Variants in WWOX observed in about 807,000 individuals in gnomAD.
WWOX encodes the protein WW domain-containing oxidoreductase.
Under a neutral mutation model 46.2 loss-of-function variants are expected in WWOX, and 69 were observed. That is an observed-to-expected ratio of 1.49 (90% CI 1.23 to 1.82). WWOX has a LOEUF of 1.82. Among genes scored for constraint, WWOX ranks in the 40% most tolerant of loss-of-function variants. The probability of loss-of-function intolerance (pLI) is 0.00; values close to 1 mark genes in which losing one functional copy is unlikely to be tolerated. For synonymous variants in WWOX, 359 were observed against 202.6 expected (o/e 1.77, Z -6.56); for missense variants, 919 against 542.6 (o/e 1.69, Z -6.89).
intron 5 of WWOX, among the ~76,000 whole-genome samples, chr16:78,312,003 A>G (rs544397618): frequency 2.4e-4 from 37 of 152,208 alleles, no homozygotes; most frequent in African/African-American, 7.9e-4. Context: ...GAGACTGCCC[A>G]TGTTCCTCGA....
At chr16:78,796,419 A>T (rs907884107) in intron 8 of WWOX, among the ~76,000 whole-genome samples, 6 of 152,200 alleles carry the variant, frequency 3.9e-5, no homozygotes, top group African/African-American at 1.4e-4. Context: ...GGTCACTTCC[A>T]CCTGCTTCCC....
intron 4 of WWOX, among the ~76,000 whole-genome samples, chr16:78,151,157 A>G (rs559496591): frequency 2.0e-5 from 3 of 151,854 alleles, no homozygotes; most frequent in Non-Finnish European, 4.4e-5. Context: ...GATTACAGGC[A>G]TGAGACCCCA....
rs569753782 is a variant in WWOX, at chr16:78,568,295, C to G, written c.1056+135543C>G. On this transcript the variant is annotated intron_variant, in intron 8 of 8. Transcript: ENST00000566780. ...AGATGAGGGAGGAAAATGGTTCCTA[C>G]TTATCATTACTTTGTCCCTCCAAAA... Among the ~76,000 whole-genome samples, 87 of 152,058 alleles carry G rather than the reference C, an allele frequency of 5.7e-4. 1 individual carries two copies. Among genetic ancestry groups the G allele is most frequent in the African/African-American group, 1.9e-3 (80 of 41,484 alleles).
chr16:78,347,327 A>G (rs72794047), intron 5 of WWOX, among the ~76,000 whole-genome samples: 12,825 of 116,212 alleles, frequency 0.11, 3,733 homozygotes, highest in East Asian at 0.17. Flanking sequence ...GATTTCAGTC[A>G]TCAAATCCAT....
chr16:79,211,344 TTTA>T (rs1253525451), intron 8 of WWOX, among the ~76,000 whole-genome samples: 69 of 152,190 alleles, frequency 4.5e-4, no homozygotes, highest in Admixed American at 4.5e-3. Context: ...GATATGTGTA[TTTA>T]TTTTCCAAGC....
chr16:78,623,046 C>A (rs2046227526), intron 8 of WWOX, among the ~76,000 whole-genome samples: 1 of 151,954 alleles, frequency 6.6e-6, no homozygotes, highest in Non-Finnish European at 1.5e-5. Context: ...GTTCTGCTAG[C>A]AACCTAAGGG....
intron 5 of WWOX, among the ~76,000 whole-genome samples, chr16:78,314,296 C>A (rs1054038729): frequency 2.7e-5 from 4 of 150,308 alleles, no homozygotes; most frequent in South Asian, 2.1e-4. Context: ...GTCTCAGCTA[C>A]TCGGGAGGCT....
At chr16:78,837,310 G>A (rs1294948932) in intron 8 of WWOX, among the ~76,000 whole-genome samples, 2 of 152,150 alleles carry the variant, frequency 1.3e-5, no homozygotes, top group African/African-American at 2.4e-5. Flanking sequence ...AACACTTAGA[G>A]AAGTGAACGA....
chr16:79,178,033 T>C (rs947029225), intron 8 of WWOX, among the ~76,000 whole-genome samples: 1 of 152,150 alleles, frequency 6.6e-6, no homozygotes, highest in Non-Finnish European at 1.5e-5. Context: ...ATAAAGCAGC[T>C]CTCTGGGGCT....
At chr16:78,759,145 A>T (rs1322020252) in intron 8 of WWOX, among the ~76,000 whole-genome samples, 3 of 152,098 alleles carry the variant, frequency 2.0e-5, no homozygotes, top group Non-Finnish European at 4.4e-5. Context: ...CAATTTTTTC[A>T]GTGAAGTTAT....
At chr16:78,145,446 A>G (rs1347755778) in intron 4 of WWOX, among the ~76,000 whole-genome samples, 1 of 152,150 alleles carries the variant, frequency 6.6e-6, no homozygotes, top group Non-Finnish European at 1.5e-5. Flanking sequence ...CCGATGTTCC[A>G]GGGCAGGAAG....
intron 8 of WWOX, among the ~76,000 whole-genome samples, chr16:78,836,330 C>G (rs781237336): frequency 5.9e-5 from 9 of 152,100 alleles, no homozygotes; most frequent in Non-Finnish European, 1.2e-4. Context: ...ACCTTATGCT[C>G]CATTTGCAAA....
intron 8 of WWOX, among the ~76,000 whole-genome samples, chr16:78,867,308 T>C (rs891571313): frequency 1.2e-4 from 19 of 152,160 alleles, no homozygotes; most frequent in African/African-American, 4.6e-4. Context: ...TATTTTCATA[T>C]CCCTTTCTAT....
At chr16:78,988,652 A>G (rs2046827244) in intron 8 of WWOX, among the ~76,000 whole-genome samples, 1 of 152,170 alleles carries the variant, frequency 6.6e-6, no homozygotes, top group African/African-American at 2.4e-5. Context: ...ATGTGTTCAT[A>G]TTGGTCAACT....
chr16:78,680,140 C>T (rs954669904), intron 8 of WWOX, among the ~76,000 whole-genome samples: 2 of 152,158 alleles, frequency 1.3e-5, no homozygotes, highest in African/African-American at 4.8e-5. Context: ...CTGGGCGTGG[C>T]GGCTCACGCC....
intron 8 of WWOX, among the ~76,000 whole-genome samples, chr16:78,466,076 G>A (rs1205733982): frequency 6.6e-6 from 1 of 151,724 alleles, no homozygotes; most frequent in African/African-American, 2.4e-5. Context: ...CTGTTGCCCA[G>A]GCTGGAGTGC....
chr16:78,896,973 A>G (rs943941713), intron 8 of WWOX: 4 of 151,998 alleles, frequency 2.6e-5, no homozygotes, highest in Non-Finnish European at 2.9e-5. Context: ...CATGCTTGTA[A>G]TCGCAGCATG....
At chr16:78,313,657 C>T (rs147747054) in intron 5 of WWOX, among the ~76,000 whole-genome samples, 54 of 152,304 alleles carry the variant, frequency 3.5e-4, no homozygotes, top group East Asian at 1.4e-3. Flanking sequence ...TGAGCCACTG[C>T]GTCAGGCCTA....
intron 8 of WWOX, among the ~76,000 whole-genome samples, chr16:78,508,835 G>A (rs1246869161): frequency 2.0e-5 from 3 of 152,190 alleles, no homozygotes; most frequent in African/African-American, 7.2e-5. Flanking sequence ...GGTGATTACT[G>A]TTTCCTCTCT....
Sources: allele counts gnomAD v4.1 joint callset (sites outside exome capture counted in the v4.1 genomes callset), GRCh38; gene constraint gnomAD v4.1.1; transcripts MANE v1.5; gene names NCBI Gene and HGNC (gene_info 2026-07-23, HGNC 2026-07-21).